Variants in CYP27A1 observed in about 807,000 individuals in gnomAD.
CYP27A1 encodes the protein cytochrome P450 family 27 subfamily A member 1.
Under a neutral mutation model 58.2 loss-of-function variants are expected in CYP27A1, and 46 were observed. That is an observed-to-expected ratio of 0.79 (90% CI 0.62 to 1.01). The LOEUF (loss-of-function observed/expected upper bound fraction) is 1.01, where lower values mean the gene tolerates loss of function less well. CYP27A1 is among the 50% of genes least tolerant of loss of function. CYP27A1 has a pLI of 0.00. For synonymous variants in CYP27A1, 274 were observed against 285.1 expected (o/e 0.96, Z 0.39); for missense variants, 704 against 687.0 (o/e 1.02, Z -0.28).
At chr2:218,810,725 T>C (rs1328255363) in intron 2 of CYP27A1, among the ~76,000 whole-genome samples, 2 of 152,230 alleles carry the variant, frequency 1.3e-5, no homozygotes, top group African/African-American at 2.4e-5. Flanking sequence ...TCCCAACAAA[T>C]AGGTCTATTC....
intron 1 of CYP27A1, among the ~76,000 whole-genome samples, chr2:218,786,290 C>A: frequency 6.6e-6 from 1 of 152,158 alleles, no homozygotes; most frequent in East Asian, 1.9e-4. Context: ...GAGGTTCACC[C>A]TCAAGCTGGG....
chr2:218,812,749 G>C lies in CYP27A1; in HGVS notation c.844G>C (p.Gly282Arg), dbSNP rs1438362169. 1 of 1,614,138 alleles carries C rather than the reference G, an allele frequency of 6.2e-7. No individual in the cohort carries two copies. Among genetic ancestry groups the C allele is most frequent in the East Asian group, 2.2e-5 (1 of 44,884 alleles). Residue 282 changes from glycine to arginine, a missense_variant and splice_region_variant, in exon 4 of 9, where the codon GGG (glycine) becomes CGG (arginine). Gly to Arg is a moderately radical substitution (Grantham distance 125). Transcript: ENST00000258415. ...TGGTTGGAATGCCATCTTTTCCTTTGGTGAGGACTCCCAGATGGGGCCCAG... is the reference window on the plus strand; with the variant it reads ...TGGTTGGAATGCCATCTTTTCCTTTCGTGAGGACTCCCAGATGGGGCCCAG... ...LDGWNAIFSF[G>R]KKLIDEKLED...
chr2:218,807,238 C>G (rs897804343), intron 1 of CYP27A1, among the ~76,000 whole-genome samples: 3 of 151,660 alleles, frequency 2.0e-5, no homozygotes, highest in Non-Finnish European at 4.4e-5. Context: ...GGATTACAGG[C>G]GTGAGCCACT....
At chr2:218,793,384 A>G (rs1391876218) in intron 1 of CYP27A1, among the ~76,000 whole-genome samples, 1 of 152,214 alleles carries the variant, frequency 6.6e-6, no homozygotes, top group Admixed American at 6.5e-5. Context: ...CCTAAAAGAT[A>G]CTTAAAAACA....
In CYP27A1 at chr2:218,814,380, T is replaced by G; in HGVS notation, c.1185T>G (p.Arg395=). The G allele has an allele frequency of 1.2e-6, 2 of 1,614,054 alleles. No individual in the cohort carries two copies. The highest frequency in any genetic ancestry group is 2.7e-5 in the African/African-American group (2 of 75,012). Residue 395 remains arginine (R), a splice_region_variant and synonymous_variant, in exon 7 of 9, where the codon CGT becomes CGG. Coordinates refer to ENST00000258415, the MANE Select transcript of CYP27A1 (RefSeq NM_000784.4). ...LLKAVLKETL[R]LYPVVPTNSR... is the part of the protein sequence containing the mutation. ...ACTCCAGACATTCTTTTCCCTGCAG[T>G]CTCTACCCTGTGGTCCCCACAAACT...
chr2:218,814,216 C>G (rs1221755014), intron 6 of CYP27A1, 29 bp downstream of exon 6: 11 of 1,613,994 alleles, frequency 6.8e-6, no homozygotes, highest in Admixed American at 1.7e-5. Flanking sequence ...CTGGGGGGCA[C>G]AGGATCTCTT....
intron 5 of CYP27A1, 22 bp downstream of exon 5, chr2:218,813,118 G>C: frequency 6.3e-7 from 1 of 1,590,914 alleles, no homozygotes; most frequent in Non-Finnish European, 8.6e-7. Context: ...GGGAGGGTGA[G>C]ACCAGGGGCC....
At chr2:218,814,871 C>T (rs758400055) in intron 8 of CYP27A1, 40 bp from the exon 9 acceptor site, 2 of 1,614,158 alleles carry the variant, frequency 1.2e-6, no homozygotes, top group South Asian at 1.1e-5. Context: ...GGATGGCAAA[C>T]ACACAATCCA....
chr2:218,812,101 G>T, intron 2 of CYP27A1, 121 bp from the exon 3 acceptor site: 1 of 742,422 alleles, frequency 1.3e-6, no homozygotes, highest in East Asian at 2.6e-5. Flanking sequence ...CTAAATTCTA[G>T]GAGTATGGGA....
Position 218,815,178 on chromosome 2 carries a change from C to A in CYP27A1, c.*148C>A. Reference sequence around the variant, plus strand: ...AGGAACTCCTTGCACACACCCTGAGCTTTTGCCACTTCTATCATTTTTGAG... The same window carrying A: ...AGGAACTCCTTGCACACACCCTGAGATTTTGCCACTTCTATCATTTTTGAG... On this transcript the variant is annotated 3_prime_UTR_variant, in exon 9 of 9. Transcript: ENST00000258415. The A allele has an allele frequency of 1.2e-6, 1 of 868,848 alleles. No homozygotes were observed. The highest frequency in any genetic ancestry group is 1.8e-6 in the Non-Finnish European group (1 of 548,894). The allele number at this position is 868,848 out of a possible 1,614,324, so 53.8% of individuals were successfully genotyped here.
chr2:218,782,215 G>C lies in CYP27A1; in HGVS notation c.33G>C (p.Trp11Cys). MAALGCARLRWALRGAGRGLC... is the reference protein window; with the variant it reads MAALGCARLRCALRGAGRGLC... ...CGCTGGGCTGCGCGAGGCTGAGGTG[G>C]GCGCTGCGAGGGGCCGGCCGTGGCC... Residue 11 changes from tryptophan to cysteine, a missense_variant, in exon 1 of 9, where the codon TGG becomes TGC. Coordinates refer to ENST00000258415, the MANE Select transcript of CYP27A1 (RefSeq NM_000784.4). This position sits in a 1 kb window ranked among gnomAD's most constrained non-coding sequence, Gnocchi z 4.1. The C allele has an allele frequency of 6.5e-7, 1 of 1,539,974 alleles. No individual in the cohort carries two copies. The highest frequency in any genetic ancestry group is 8.7e-7 in the Non-Finnish European group (1 of 1,145,972).
chr2:218,789,672 T>C (rs967613926), intron 1 of CYP27A1, among the ~76,000 whole-genome samples: 1 of 152,238 alleles, frequency 6.6e-6, no homozygotes, highest in Admixed American at 6.5e-5. Context: ...ACTTAATATA[T>C]AAGGAGGCAG....
In CYP27A1 at chr2:218,814,544, G is replaced by A. The variant is rs587778785; in HGVS notation, c.1264-1G>A. On this transcript the variant is annotated splice_acceptor_variant, in intron 7 of 8. Transcript: ENST00000258415. LOFTEE classifies it high-confidence loss of function. ...TCATGCTGCCCAATCTTCCTTTATA[G>A]ACCCAGTTTGTGTTCTGCCACTATG... is the stretch of plus-strand genomic sequence containing the variant. 1.9e-6 allele frequency: 3 copies of A among 1,614,142 alleles called. No homozygotes were observed. The highest frequency in any genetic ancestry group is 2.2e-5 in the South Asian group (2 of 91,064).
intron 1 of CYP27A1, among the ~76,000 whole-genome samples, chr2:218,805,113 C>T (rs1943637782): frequency 6.6e-6 from 1 of 152,160 alleles, no homozygotes; most frequent in Admixed American, 6.5e-5. Context: ...TTTAGGGTTT[C>T]AACATAAGAA....
chr2:218,814,809 C>A, intron 8 of CYP27A1, 52 bp downstream of exon 8: 1 of 1,613,310 alleles, frequency 6.2e-7, no homozygotes, highest in Non-Finnish European at 8.5e-7. Flanking sequence ...GTGGAGGAGT[C>A]CTGGGAGGAG....
At chr2:218,810,108 G>A (rs765814287) in intron 2 of CYP27A1, among the ~76,000 whole-genome samples, 3 of 151,924 alleles carry the variant, frequency 2.0e-5, no homozygotes, top group East Asian at 1.9e-4. Context: ...GTGAAACCCC[G>A]TCTCTACTAA....
In CYP27A1 at chr2:218,812,996, A is replaced by G. The variant is rs755841702; in HGVS notation, c.917A>G (p.Gln306Arg). The change falls in exon 5 of 9, where the codon CAG becomes CGG. Residue 306 changes from glutamine (Q) to arginine (R), a missense_variant. Gln to Arg is a conservative substitution (Grantham distance 43, BLOSUM62 1). Transcript: ENST00000258415. ...QLQAAGPDGIQVSGYLHFLLA... is the reference protein window; with the variant it reads ...QLQAAGPDGIRVSGYLHFLLA... Reference sequence around the variant, plus strand: ...CAGGCAGCAGGGCCAGATGGCATCCAGGTGTCTGGCTACCTGCACTTCTTA... The same window carrying G: ...CAGGCAGCAGGGCCAGATGGCATCCGGGTGTCTGGCTACCTGCACTTCTTA... The G allele has an allele frequency of 1.2e-6, 2 of 1,614,114 alleles. No homozygotes were observed. The highest frequency in any genetic ancestry group is 1.7e-5 in the Admixed American group (1 of 60,010).
intron 1 of CYP27A1, among the ~76,000 whole-genome samples, chr2:218,792,659 T>C (rs1212917772): frequency 6.6e-6 from 1 of 152,202 alleles, no homozygotes; most frequent in Non-Finnish European, 1.5e-5. Context: ...TGACTTCAAA[T>C]AGTCATAGTT....
rs1039198612 is a variant in CYP27A1 at position 218,814,629 on chromosome 2, C to T, written c.1348C>T (p.Leu450=). ...EPESFQPHRW[L]RNSQPATPRI... is the part of the protein sequence containing the mutation. ...TGAAAGCTTCCAGCCCCACCGCTGG[C>T]TGAGAAACAGCCAGCCTGCTACCCC... The change falls in exon 8 of 9, where the codon CTG becomes TTG. Residue 450 remains leucine, a synonymous_variant. Coordinates refer to ENST00000258415, the MANE Select transcript of CYP27A1 (RefSeq NM_000784.4). 14 of 1,614,118 alleles carry T rather than the reference C, an allele frequency of 8.7e-6. No individual in the cohort carries two copies. The highest frequency in any genetic ancestry group is 5.0e-5 in the Admixed American group (3 of 60,014).
Sources: allele counts gnomAD v4.1 joint callset (sites outside exome capture counted in the v4.1 genomes callset), GRCh38; gene constraint gnomAD v4.1.1; non-coding constraint Gnocchi (gnomAD v3.1); transcripts MANE v1.5; gene names NCBI Gene and HGNC (gene_info 2026-07-23, HGNC 2026-07-21).